The following CLEC4C variants were observed in gnomAD, a reference collection of about 807,000 sequenced individuals.
CLEC4C encodes the protein C-type lectin domain family 4 member C.
Under a neutral mutation model 27.7 loss-of-function variants are expected in CLEC4C, and 17 were observed. That is an observed-to-expected ratio of 0.61 (90% CI 0.42 to 0.92). The LOEUF (loss-of-function observed/expected upper bound fraction) is 0.92, where lower values mean the gene tolerates loss of function less well. Among genes scored for constraint, CLEC4C ranks in the 40% least tolerant of loss-of-function variants. The pLI is 0.00. For missense variants in CLEC4C, 244 were observed against 257.3 expected, an observed-to-expected ratio of 0.95 and a Z score of 0.35; for synonymous variants, 80 against 80.8, an observed-to-expected ratio of 0.99 and a Z score of 0.06.
chr12:7,741,042 G>A (rs886938387), intron 3 of CLEC4C, among the ~76,000 whole-genome samples: 5 of 151,920 alleles, frequency 3.3e-5, no homozygotes, highest in Non-Finnish European at 4.4e-5. Context: ...GGGTTTCACC[G>A]TGGTCTCGAT....
intron 2 of CLEC4C, among the ~76,000 whole-genome samples, chr12:7,745,962 T>A (rs1309878565): frequency 2.0e-5 from 3 of 150,884 alleles, no homozygotes; most frequent in African/African-American, 2.4e-5. Flanking sequence ...ACACCTGTAA[T>A]CCCAGCACTT....
rs769612256 is a variant in CLEC4C, at chr12:7,741,497, C to T, written c.159G>A (p.Lys53=). Residue 53 remains lysine (K), a synonymous_variant, in exon 3 of 6, where the codon AAG becomes AAA. Coordinates refer to ENST00000360345, the MANE Select transcript of CLEC4C (RefSeq NM_001371390.1). Reference sequence around the variant, plus strand: ...GATACTCTCGTAACTTGGACAGCCTCTTGACAGTTTTGCTATACATAAAAT... The same window carrying T: ...GATACTCTCGTAACTTGGACAGCCTTTTGACAGTTTTGCTATACATAAAAT... ...PHNFMYSKTV[K]RLSKLREYQQ... 61 of 1,611,666 alleles carry T rather than the reference C, an allele frequency of 3.8e-5. No homozygotes were observed. The highest frequency in any genetic ancestry group is 5.2e-5 in the Non-Finnish European group (61 of 1,177,794).
At position 7,730,674 on chromosome 12, in the gene CLEC4C, C is replaced by G. The variant is rs145627247; in HGVS notation, c.497+123G>C. Reference sequence around the variant, plus strand: ...AAAAAAAAAGCACAACCCTTGATGTCAAATAGACCTAGGTTTTAAAAAGTG... The same window carrying G: ...AAAAAAAAAGCACAACCCTTGATGTGAAATAGACCTAGGTTTTAAAAAGTG... On this transcript the variant is annotated intron_variant, in intron 5 of 5. Transcript: ENST00000360345. 3,792 of 509,070 alleles carry G rather than the reference C, an allele frequency of 7.4e-3. 132 individuals are homozygous for G. Among genetic ancestry groups the G allele is most frequent in the South Asian group, 0.054 (2,204 of 40,822 alleles). The allele number at this position is 509,070 out of a possible 1,614,324, so 31.5% of individuals were successfully genotyped here.
intron 2 of CLEC4C, among the ~76,000 whole-genome samples, chr12:7,744,761 C>A (rs147259910): frequency 6.6e-6 from 1 of 152,020 alleles, no homozygotes. Context: ...ACCACAGGCA[C>A]ATGCCACCAT....
chr12:7,741,487 T>G lies in CLEC4C; in HGVS notation c.169A>C (p.Lys57Gln), dbSNP rs934387284. ...TGATACTGTTGATACTCTCGTAACT[T>G]GGACAGCCTCTTGACAGTTTTGCTA... Reference protein sequence around the residue: ...MYSKTVKRLSKLREYQQYHPS... With the variant: ...MYSKTVKRLSQLREYQQYHPS... Residue 57 changes from lysine to glutamine, a missense_variant, in exon 3 of 6, where the codon AAG becomes CAG. Physicochemically the swap from Lys to Gln is moderately conservative, Grantham distance 53. Coordinates refer to ENST00000360345, the MANE Select transcript of CLEC4C (RefSeq NM_001371390.1). The G allele has an allele frequency of 6.2e-7, 1 of 1,612,624 alleles. No homozygotes were observed. The highest frequency in any genetic ancestry group is 8.5e-7 in the Non-Finnish European group (1 of 1,178,710).
chr12:7,748,502 G>A (rs565648622), upstream of CLEC4C, among the ~76,000 whole-genome samples: 2 of 151,730 alleles, frequency 1.3e-5, no homozygotes, highest in South Asian at 4.2e-4. Flanking sequence ...CTCCACCCTG[G>A]GTGACAGAGC....
At chr12:7,742,764 C>T (rs1592097573) in intron 2 of CLEC4C, among the ~76,000 whole-genome samples, 1 of 151,824 alleles carries the variant, frequency 6.6e-6, no homozygotes, top group Non-Finnish European at 1.5e-5. Context: ...GAGCCGAGAT[C>T]GCACCACTGC....
intron 2 of CLEC4C, among the ~76,000 whole-genome samples, chr12:7,744,530 A>G (rs1351439294): frequency 6.6e-6 from 1 of 152,222 alleles, no homozygotes; most frequent in African/African-American, 2.4e-5. Context: ...CAGGTGTCAC[A>G]AAAATATAAA....
intron 2 of CLEC4C, among the ~76,000 whole-genome samples, 153 bp from the exon 3 acceptor site, chr12:7,741,684 T>TA (rs1864859830): frequency 1.3e-5 from 2 of 152,012 alleles, no homozygotes; most frequent in South Asian, 2.1e-4. Context: ...GGTCGGGAGT[T>TA]AGAGACCAGC....
At chr12:7,744,814 T>A (rs950317425) in intron 2 of CLEC4C, among the ~76,000 whole-genome samples, 23 of 152,002 alleles carry the variant, frequency 1.5e-4, no homozygotes, top group African/African-American at 5.3e-4. Flanking sequence ...AGGGTCTCAT[T>A]CTGTTGCCCA....
intron 3 of CLEC4C, among the ~76,000 whole-genome samples, chr12:7,739,804 A>G (rs912501863): frequency 2.0e-5 from 3 of 151,754 alleles, no homozygotes; most frequent in Admixed American, 6.6e-5. Flanking sequence ...CTCAGCCTCC[A>G]AAGTAGCTAG....
intron 2 of CLEC4C, among the ~76,000 whole-genome samples, chr12:7,745,142 G>C (rs1385422231): frequency 6.6e-6 from 1 of 152,106 alleles, no homozygotes; most frequent in Non-Finnish European, 1.5e-5. Context: ...GAAGTCCCAA[G>C]CTCCAATTTG....
At chr12:7,747,582 G>T, upstream of CLEC4C, 1 of 374,028 alleles carries the variant, frequency 2.7e-6, no homozygotes, top group Non-Finnish European at 4.9e-6. Context: ...ACACAAACAA[G>T]GAAATCGAGA....
At position 7,729,496 on chromosome 12, in the gene CLEC4C, G is replaced by T; in HGVS notation, c.*100C>A. 9.6e-7 allele frequency: 1 copy of T among 1,042,056 alleles called. No homozygotes were observed. Among genetic ancestry groups the T allele is most frequent in the Non-Finnish European group, 1.4e-6 (1 of 704,944 alleles). The allele number at this position is 1,042,056 out of a possible 1,614,324, so 64.6% of individuals were successfully genotyped here. ...GACAGCCTGCTGAAACATTTTAGGG[G>T]CATTCCTTGTACAAAACTTACACAT... On this transcript the variant is annotated 3_prime_UTR_variant, in exon 6 of 6. Coordinates refer to ENST00000360345, the MANE Select transcript of CLEC4C (RefSeq NM_001371390.1).
At position 7,734,737 on chromosome 12, in the gene CLEC4C, A is replaced by AG. The variant is rs777679193; in HGVS notation, c.381+2691dup. The stretch of plus-strand genomic sequence containing the variant: ...CTAATTTTTGTATTTTTAGTAGAGA[A>AG]GGGTTTCGCCATGTTGGCCAGGCTG... On this transcript the variant is annotated intron_variant, in intron 4 of 5. Transcript: ENST00000360345. Among the ~76,000 whole-genome samples the AG allele has an allele frequency of 4.6e-3, 703 of 151,706 alleles. 4 individuals carry two copies. The highest frequency in any genetic ancestry group is 0.016 in the African/African-American group (666 of 41,384).
At chr12:7,737,761 C>T (rs1864761535) in intron 3 of CLEC4C, among the ~76,000 whole-genome samples, 187 bp from the exon 4 acceptor site, 1 of 152,154 alleles carries the variant, frequency 6.6e-6, no homozygotes, top group Admixed American at 6.6e-5. Flanking sequence ...CAGGGACCAG[C>T]AAACTTCCTG....
intron 4 of CLEC4C, among the ~76,000 whole-genome samples, chr12:7,732,375 T>A (rs1411647630): frequency 7.0e-6 from 1 of 142,844 alleles, no homozygotes; most frequent in African/African-American, 2.6e-5. Context: ...TTTTTTGAGA[T>A]GGAGTCTCAC....
chr12:7,744,264 T>C (rs1345015592), intron 2 of CLEC4C, among the ~76,000 whole-genome samples: 1 of 152,232 alleles, frequency 6.6e-6, no homozygotes, highest in Non-Finnish European at 1.5e-5. Flanking sequence ...TCTCTTGCCC[T>C]TTGTTATAAA....
At chr12:7,730,971 C>T (rs1592087624) in intron 4 of CLEC4C, 59 bp from the exon 5 acceptor site, 13 of 786,242 alleles carry the variant, frequency 1.7e-5, no homozygotes, top group African/African-American at 5.1e-5. Flanking sequence ...TCATCTGGGA[C>T]GAACACCGCC....
Sources: gnomAD v4.1 joint callset for allele counts (sites outside exome capture counted in the v4.1 genomes callset) on GRCh38, gnomAD v4.1.1 for gene constraint, MANE v1.5 for transcripts, NCBI Gene and HGNC (gene_info 2026-07-23, HGNC 2026-07-21) for gene names.